The following GPR158 variants were observed in gnomAD, a reference collection of about 807,000 sequenced individuals.
The protein encoded by GPR158 is G protein-coupled receptor 158.
In GPR158, 30 loss-of-function variants were observed where a neutral mutation model predicts 78.2. The ratio of observed to expected loss-of-function variants is 0.38; its 90% confidence interval spans 0.29 to 0.52. GPR158 has a LOEUF of 0.52. Among genes scored for constraint, GPR158 ranks in the 20% least tolerant of loss-of-function variants. The pLI, the probability that GPR158 is intolerant of heterozygous loss-of-function variation, is 0.83. For missense variants in GPR158, 1,463 were observed against 1,523.5 expected (o/e 0.96, Z 0.66); for synonymous variants, 581 against 591.1 (o/e 0.98, Z 0.25).
At chr10:25,304,691 T>C (rs74126536) in intron 2 of GPR158, among the ~76,000 whole-genome samples, 30,678 of 151,990 alleles carry the variant, frequency 0.2, 5,216 homozygotes, top group African/African-American at 0.47. Flanking sequence ...ATTTTACATA[T>C]GAGGATCGAC....
rs371514966 is a variant in GPR158 at position 25,601,155 on chromosome 10, T to G, written c.*1881T>G. ...TTTTCAGTGGAAGGTAAAAACAGAA[T>G]TCTCCATATTCATCATCAAATTTTT... On this transcript the variant is annotated 3_prime_UTR_variant, in exon 11 of 11. Transcript: ENST00000376351. The G allele has an allele frequency of 2.0e-5, 3 of 152,696 alleles. No homozygotes were observed. Among genetic ancestry groups the G allele is most frequent in the East Asian group, 1.9e-4 (1 of 5,182 alleles). The allele number at this position is 152,696 out of a possible 1,614,324, so 9.5% of individuals were successfully genotyped here.
At chr10:25,317,727 TTTTGTTTTGTTTTG>T (rs1564420563) in intron 2 of GPR158, among the ~76,000 whole-genome samples, 1 of 125,458 alleles carries the variant, frequency 8.0e-6, no homozygotes, top group African/African-American at 3.7e-5. Context: ...TTTTTTTTTG[TTTTGTTTTGTTTTG>T]TTTTTGAGAC....
At chr10:25,391,900 G>A (rs1418693965) in intron 2 of GPR158, among the ~76,000 whole-genome samples, 1 of 152,124 alleles carries the variant, frequency 6.6e-6, no homozygotes, top group Admixed American at 6.5e-5. Flanking sequence ...GAGGGAACTG[G>A]TAGGAAGTAA....
chr10:25,592,709 T>G (rs1437991420), intron 8 of GPR158, among the ~76,000 whole-genome samples: 1 of 152,010 alleles, frequency 6.6e-6, no homozygotes, highest in East Asian at 1.9e-4. Flanking sequence ...TAAAGTTTAT[T>G]TGGTTTGCAT....
At chr10:25,384,130 A>T (rs1383587514) in intron 2 of GPR158, among the ~76,000 whole-genome samples, 1 of 152,188 alleles carries the variant, frequency 6.6e-6, no homozygotes. Context: ...TTTGCGATCT[A>T]GTTTCCAGAT....
At chr10:25,227,096 G>A (rs1177630290) in intron 2 of GPR158, among the ~76,000 whole-genome samples, 1 of 151,902 alleles carries the variant, frequency 6.6e-6, no homozygotes, top group African/African-American at 2.4e-5. Context: ...ATTTTTTTGA[G>A]TTTTCCACTA....
intron 1 of GPR158, among the ~76,000 whole-genome samples, chr10:25,185,416 G>T (rs1040854368): frequency 1.3e-5 from 2 of 152,154 alleles, no homozygotes; most frequent in Non-Finnish European, 2.9e-5. Context: ...TGTCATCAGG[G>T]CTCAAAAAGA....
Position 25,194,648 on chromosome 10 carries a change from T to C in GPR158, c.902+18326T>C, listed in dbSNP as rs145307537. Among the ~76,000 whole-genome samples, 1,214 of 152,218 alleles carry C rather than the reference T, an allele frequency of 8.0e-3. 11 individuals are homozygous for C. Among genetic ancestry groups the C allele is most frequent in the Non-Finnish European group, 0.013 (851 of 67,988 alleles). ...GGAGAAGGAAGTATAGGCAGACTTA[T>C]CCCTAGTGAAGAGTAGTCACAATCG... On this transcript the variant is annotated intron_variant, in intron 1 of 10. Coordinates refer to ENST00000376351, the MANE Select transcript of GPR158 (RefSeq NM_020752.3).
At chr10:25,412,126 T>A (rs1374456727) in intron 3 of GPR158, 124 bp from the exon 4 acceptor site, 8 of 695,584 alleles carry the variant, frequency 1.2e-5, no homozygotes, top group Non-Finnish European at 2.1e-5. Flanking sequence ...AGCAAGAGGG[T>A]TGACAAAAGG....
intron 2 of GPR158, among the ~76,000 whole-genome samples, chr10:25,242,590 G>A (rs1485586364): frequency 1.3e-5 from 2 of 152,142 alleles, no homozygotes; most frequent in South Asian, 2.1e-4. Context: ...TTTTGGATAA[G>A]CCCTTGGCCA....
intron 2 of GPR158, among the ~76,000 whole-genome samples, chr10:25,286,439 T>C (rs902044640): frequency 6.6e-6 from 1 of 152,128 alleles, no homozygotes; most frequent in African/African-American, 2.4e-5. Context: ...GATTTTTTTC[T>C]TATAGTTTTT....
At chr10:25,512,983 T>G in intron 5 of GPR158, among the ~76,000 whole-genome samples, 1 of 152,138 alleles carries the variant, frequency 6.6e-6, no homozygotes, top group East Asian at 1.9e-4. Context: ...GATATTTGTC[T>G]GTAGTTTTCT....
chr10:25,564,777 T>TTAAG (rs548569904), intron 6 of GPR158, among the ~76,000 whole-genome samples: 49 of 152,322 alleles, frequency 3.2e-4, no homozygotes, highest in Middle Eastern at 6.8e-3. Context: ...TTTTTCTCTC[T>TTAAG]TAAGTATCCC....
intron 1 of GPR158, among the ~76,000 whole-genome samples, chr10:25,198,546 A>G (rs1248088516): frequency 2.6e-5 from 4 of 152,194 alleles, no homozygotes; most frequent in Non-Finnish European, 5.9e-5. Flanking sequence ...GTTTTCTGGC[A>G]ATATTTTGGG....
rs147476515 is a variant in GPR158 at position 25,231,745 on chromosome 10, A to T, written c.1008+10588A>T. Among the ~76,000 whole-genome samples, 1,215 of 152,326 alleles carry T rather than the reference A, an allele frequency of 8.0e-3. 10 individuals are homozygous for T. Among genetic ancestry groups the T allele is most frequent in the Non-Finnish European group, 0.013 (918 of 68,020 alleles). ...AATATAACAGAGGTGAATATGGAGGATGGCAGCTTACCATGCACAGGGATG... is the reference window on the plus strand; with the variant it reads ...AATATAACAGAGGTGAATATGGAGGTTGGCAGCTTACCATGCACAGGGATG... On this transcript the variant is annotated intron_variant, in intron 2 of 10. Coordinates refer to ENST00000376351, the MANE Select transcript of GPR158 (RefSeq NM_020752.3).
intron 2 of GPR158, among the ~76,000 whole-genome samples, chr10:25,357,795 C>T (rs1245041509): frequency 1.4e-5 from 2 of 147,758 alleles, no homozygotes; most frequent in African/African-American, 5.3e-5. Flanking sequence ...TCCCACAGTC[C>T]CTACTGGGGC....
intron 7 of GPR158, among the ~76,000 whole-genome samples, chr10:25,575,088 A>C (rs1333393001): frequency 1.3e-5 from 2 of 151,860 alleles, no homozygotes; most frequent in Admixed American, 6.6e-5. Context: ...AAAATAGTGA[A>C]GGATGGAAGT....
At chr10:25,456,574 T>G (rs1835294182) in intron 4 of GPR158, among the ~76,000 whole-genome samples, 1 of 152,146 alleles carries the variant, frequency 6.6e-6, no homozygotes, top group African/African-American at 2.4e-5. Flanking sequence ...GCAGTAGAAT[T>G]TTAAAGTAGT....
At chr10:25,284,301 G>A (rs1854316685) in intron 2 of GPR158, among the ~76,000 whole-genome samples, 1 of 151,912 alleles carries the variant, frequency 6.6e-6, no homozygotes, top group African/African-American at 2.4e-5. Flanking sequence ...TGAAGCTCTG[G>A]TGTTAGTTGC....
Sources: allele counts gnomAD v4.1 joint callset (sites outside exome capture counted in the v4.1 genomes callset), GRCh38; gene constraint gnomAD v4.1.1; transcripts MANE v1.5; gene names NCBI Gene and HGNC (gene_info 2026-07-23, HGNC 2026-07-21).